WFS1: variants seen among roughly 807,000 people sequenced by gnomAD.
WFS1 encodes wolframin ER transmembrane glycoprotein, also known as wolframin.
WFS1 carries 90 observed loss-of-function variants against 68.5 expected under a neutral mutation model. That is an observed-to-expected ratio of 1.31 (90% CI 1.11 to 1.56). WFS1 has a LOEUF of 1.56. Ranked by LOEUF, WFS1 falls within the 40% of genes most tolerant of loss-of-function variation. WFS1 has a pLI of 0.00. For missense variants in WFS1, 1,767 were observed against 1,232.6 expected, an observed-to-expected ratio of 1.43 and a Z score of -6.49; for synonymous variants, 860 against 540.7, an observed-to-expected ratio of 1.59 and a Z score of -8.19.
rs113124073 is a variant in WFS1 at position 6,276,681 on chromosome 4, G to A, written c.-5-770G>A. On this transcript the variant is annotated intron_variant, in intron 1 of 7. Transcript: ENST00000226760. ...TTACTTAACTTTACTCAGTACCAGC[G>A]TATTAGTTTTCTAGGGCTTCCGTAA... Among the ~76,000 whole-genome samples the A allele has an allele frequency of 9.8e-3, 1,498 of 152,226 alleles. 28 individuals carry two copies. The highest frequency in any genetic ancestry group is 0.034 in the African/African-American group (1,421 of 41,530).
At chr4:6,275,308 A>G (rs944639015) in intron 1 of WFS1, among the ~76,000 whole-genome samples, 9 of 152,126 alleles carry the variant, frequency 5.9e-5, no homozygotes, top group Non-Finnish European at 1.2e-4. Context: ...ACTTTTCACC[A>G]TCTCAGGTGG....
chr4:6,300,436 G>A (rs1365826147), intron 7 of WFS1, among the ~76,000 whole-genome samples: 1 of 152,100 alleles, frequency 6.6e-6, no homozygotes, highest in African/African-American at 2.4e-5. Context: ...GGCAGAGGGG[G>A]GCTCCAGGCC....
intron 2 of WFS1, among the ~76,000 whole-genome samples, chr4:6,284,697 C>T (rs1298096073): frequency 6.6e-6 from 1 of 151,688 alleles, no homozygotes; most frequent in Non-Finnish European, 1.5e-5. Context: ...AACTTTGGAC[C>T]ACTCACTACA....
At chr4:6,275,658 A>C (rs1042225392) in intron 1 of WFS1, among the ~76,000 whole-genome samples, 4 of 151,818 alleles carry the variant, frequency 2.6e-5, no homozygotes, top group Non-Finnish European at 5.9e-5. Context: ...TTTTACACTA[A>C]GGGCTCAGTC....
intron 1 of WFS1, among the ~76,000 whole-genome samples, chr4:6,274,542 G>T (rs1055307813): frequency 1.5e-4 from 23 of 152,136 alleles, no homozygotes; most frequent in African/African-American, 5.6e-4. Context: ...CTAGCAGAGG[G>T]AGGGCTCTGA....
Position 6,288,044 on chromosome 4 carries a change from G to A in WFS1, c.315+869G>A, listed in dbSNP as rs115125027. On this transcript the variant is annotated intron_variant, in intron 3 of 7. Coordinates refer to ENST00000226760, the MANE Select transcript of WFS1 (RefSeq NM_006005.3). ...CCAGCCTGGCCAACATGATGAAACC[G>A]TGTCTCCACTACAAATAGAAAAATT... 2.4e-3 allele frequency among the ~76,000 whole-genome samples: 369 copies of A among 152,046 alleles called. 3 individuals carry two copies. Among genetic ancestry groups the A allele is most frequent in the African/African-American group, 7.3e-3 (303 of 41,470 alleles).
At chr4:6,297,165 T>G (rs537230137) in intron 7 of WFS1, among the ~76,000 whole-genome samples, 315 of 152,332 alleles carry the variant, frequency 2.1e-3, no homozygotes, top group Non-Finnish European at 4.0e-3. Flanking sequence ...TTAAGCTGTT[T>G]TGACAAGAAG....
intron 1 of WFS1, among the ~76,000 whole-genome samples, chr4:6,276,919 C>A (rs79035843): frequency 6.6e-6 from 1 of 152,220 alleles, no homozygotes; most frequent in Non-Finnish European, 1.5e-5. Context: ...GGCTCTGTTA[C>A]ACTTCTCTTC....
At chr4:6,270,488 C>G (rs1433914640) in intron 1 of WFS1, among the ~76,000 whole-genome samples, 2 of 152,028 alleles carry the variant, frequency 1.3e-5, no homozygotes, top group Admixed American at 1.3e-4. Context: ...GGGGTTCAGT[C>G]CCCCAGGGGG....
intron 2 of WFS1, among the ~76,000 whole-genome samples, chr4:6,279,862 C>T (rs1472596020): frequency 2.0e-5 from 3 of 152,218 alleles, no homozygotes; most frequent in Admixed American, 1.3e-4. Context: ...TTGGGGTTGC[C>T]CTTCTCTGGT....
chr4:6,301,812 T>C lies in WFS1; in HGVS notation c.2017T>C (p.Cys673Arg). 4 of 1,613,254 alleles carry C rather than the reference T, an allele frequency of 2.5e-6. No homozygotes were observed. The highest frequency in any genetic ancestry group is 3.4e-6 in the Non-Finnish European group (4 of 1,180,014). ...TLTWQQYGAL[C>R]GPRAWKETNM... Reference sequence around the variant, plus strand: ...GACCTGGCAGCAGTATGGTGCGCTGTGCGGGCCACGCGCCTGGAAGGAGAC... The same window carrying C: ...GACCTGGCAGCAGTATGGTGCGCTGCGCGGGCCACGCGCCTGGAAGGAGAC... The change falls in exon 8 of 8, where the codon TGC becomes CGC. Residue 673 changes from cysteine to arginine, a missense_variant. Cys to Arg is a radical substitution (Grantham distance 180, BLOSUM62 -3). Coordinates refer to ENST00000226760, the MANE Select transcript of WFS1 (RefSeq NM_006005.3).
intron 7 of WFS1, among the ~76,000 whole-genome samples, chr4:6,300,012 C>T (rs1277840223): frequency 2.6e-5 from 4 of 151,952 alleles, no homozygotes; most frequent in African/African-American, 7.3e-5. Context: ...GCAGCTGCTT[C>T]TCAGGGTCTC....
intron 3 of WFS1, 153 bp from the exon 4 acceptor site, chr4:6,288,834 G>A: frequency 1.7e-6 from 2 of 1,167,700 alleles, no homozygotes; most frequent in South Asian, 1.3e-5. Context: ...GTAGGGCCTA[G>A]CCTAGTGGAC....
chr4:6,277,387 G>T, intron 1 of WFS1, 64 bp from the exon 2 acceptor site: 1 of 1,469,254 alleles, frequency 6.8e-7, no homozygotes, highest in South Asian at 1.2e-5. Context: ...GTCTCCAGCA[G>T]ACACTAAGTG....
intron 7 of WFS1, among the ~76,000 whole-genome samples, chr4:6,299,669 GGGTTGTTTGCGGGTA>G (rs1428805664): frequency 9.1e-6 from 1 of 109,808 alleles, no homozygotes; most frequent in Non-Finnish European, 1.8e-5. Flanking sequence ...GTGTAGGGGT[GGGTTGTTTGCGGGTA>G]GGTTGCGTGT....
At chr4:6,298,574 A>G (rs1730713956) in intron 7 of WFS1, among the ~76,000 whole-genome samples, 1 of 152,100 alleles carries the variant, frequency 6.6e-6, no homozygotes. Flanking sequence ...GTGCATGCAC[A>G]CACTCCTAAA....
In WFS1 at chr4:6,301,275, G is replaced by A. The variant is rs760692398; in HGVS notation, c.1480G>A (p.Gly494Ser). The change falls in exon 8 of 8, where the codon GGC becomes AGC. Residue 494 changes from glycine (G) to serine (S), a missense_variant. Transcript: ENST00000226760. ...LGQTFITVPV[G>S]HLVVLNVSVP... ...CCAGACCTTCATCACCGTGCCTGTC[G>A]GCCACCTGGTCGTCCTCAACGTCAG... is the stretch of plus-strand genomic sequence containing the variant. 3.1e-5 allele frequency: 50 copies of A among 1,611,208 alleles called. No individual in the cohort carries two copies. The East Asian group carries it at 4.9e-4, about 16-fold the overall frequency.
In WFS1 at chr4:6,301,792, GGCA is replaced by G. The variant is rs1301557742; in HGVS notation, c.2002_2004del (p.Gln668del). 6.2e-7 allele frequency: 1 copy of G among 1,613,292 alleles called. No individual in the cohort carries two copies. The highest frequency in any genetic ancestry group is 8.5e-7 in the Non-Finnish European group (1 of 1,180,034). On this transcript the variant is annotated inframe_deletion, in exon 8 of 8. Transcript: ENST00000226760. ...AAGGTCTACAACTCCACACTGACCT[GGCA>G]GCAGTATGGTGCGCTGTGCGGGCCA...
In WFS1 at chr4:6,275,533, T is replaced by TG. The variant is rs1158524804; in HGVS notation, c.-5-1913dup. Among the ~76,000 whole-genome samples the TG allele has an allele frequency of 1.1e-4, 14 of 123,026 alleles. 1 individual carries two copies. The highest frequency in any genetic ancestry group is 4.0e-4 in the African/African-American group (13 of 32,716). The allele number at this position is 123,026 out of a possible 152,430, so 80.7% of individuals were successfully genotyped here. A position where few individuals can be genotyped will look rare whatever the true frequency, so the allele number is the denominator to read the frequency against. The stretch of plus-strand genomic sequence containing the variant: ...AGCTTGACCATGCATGGTTTGCACC[T>TG]GGGGGATGCACCCGGGGGTGCTTGA... On this transcript the variant is annotated intron_variant, in intron 1 of 7. Transcript: ENST00000226760.
Sources: allele counts gnomAD v4.1 joint callset (sites outside exome capture counted in the v4.1 genomes callset), GRCh38; gene constraint gnomAD v4.1.1; transcripts MANE v1.5; gene names NCBI Gene and HGNC (gene_info 2026-07-23, HGNC 2026-07-21).